The following FBN1 variants were observed in gnomAD, a reference collection of about 807,000 sequenced individuals.
FBN1 encodes fibrillin-1.
FBN1 carries 29 observed loss-of-function variants against 365.1 expected under a neutral mutation model. That is an observed-to-expected ratio of 0.08 (90% CI 0.06 to 0.11). The LOEUF (loss-of-function observed/expected upper bound fraction) is 0.11. Among genes scored for constraint, FBN1 ranks in the 10% least tolerant of loss-of-function variants. FBN1 has a pLI of 1.00. For synonymous variants in FBN1, 1,210 were observed against 1,270.5 expected (o/e 0.95, Z 1.01); for missense variants, 2,476 against 3,703.2 (o/e 0.67, Z 8.60).
intron 5 of FBN1, among the ~76,000 whole-genome samples, chr15:48,597,378 C>T (rs1189050718): frequency 6.6e-6 from 1 of 152,188 alleles, no homozygotes; most frequent in Non-Finnish European, 1.5e-5. Flanking sequence ...ATACTAAAGC[C>T]TGGCTATTTC....
intron 6 of FBN1, among the ~76,000 whole-genome samples, chr15:48,587,060 GAT>G (rs1389433173): frequency 2.0e-5 from 3 of 152,158 alleles, no homozygotes. Context: ...TTCCAAAAAT[GAT>G]ATTATATCCA....
At chr15:48,516,847 C>A (rs996289801) in intron 10 of FBN1, among the ~76,000 whole-genome samples, 1 of 152,132 alleles carries the variant, frequency 6.6e-6, no homozygotes, top group Non-Finnish European at 1.5e-5. Flanking sequence ...GGAGGCAAGG[C>A]TGTTGCAGAA....
Position 48,490,010 on chromosome 15 carries a change from G to A in FBN1, c.2923C>T (p.His975Tyr), listed in dbSNP as rs1597565510. 1.2e-6 allele frequency: 2 copies of A among 1,614,114 alleles called. No individual in the cohort carries two copies. The highest frequency in any genetic ancestry group is 2.2e-5 in the South Asian group (2 of 91,074). ...EECTLPIAGR[H>Y]RMDACCCSVG... ...GAGCAGCAGCAGGCGTCCATGCGGT[G>A]GCGGCCAGCAATAGGCAGGGTGCAC... Residue 975 changes from histidine (H) to tyrosine (Y), a missense_variant, in exon 25 of 66, where the codon CAC becomes TAC. By Grantham distance (83) the His-to-Tyr change is moderately conservative. Transcript: ENST00000316623.
At chr15:48,585,322 A>C (rs2044427421) in intron 6 of FBN1, among the ~76,000 whole-genome samples, 1 of 152,218 alleles carries the variant, frequency 6.6e-6, no homozygotes, top group Non-Finnish European at 1.5e-5. Context: ...ATCCCAATCT[A>C]TTGTTTACTT....
intron 49 of FBN1, 124 bp downstream of exon 49, chr15:48,444,417 A>G (rs1443106681): frequency 3.7e-6 from 4 of 1,083,770 alleles, no homozygotes; most frequent in Admixed American, 1.7e-5. Context: ...TGTCATACCT[A>G]TGCCCTTGCA....
chr15:48,477,343 A>T (rs1192273661), intron 32 of FBN1, among the ~76,000 whole-genome samples: 1 of 152,208 alleles, frequency 6.6e-6, no homozygotes, highest in Non-Finnish European at 1.5e-5. Context: ...GCTGTGTATC[A>T]TGGGCTTTTG....
intron 13 of FBN1, among the ~76,000 whole-genome samples, chr15:48,511,905 T>G (rs1271418247): frequency 6.6e-6 from 1 of 152,222 alleles, no homozygotes; most frequent in Non-Finnish European, 1.5e-5. Context: ...CAGTGCAGTC[T>G]CTGGACATTG....
At chr15:48,501,142 G>A (rs2043652599) in intron 17 of FBN1, among the ~76,000 whole-genome samples, 1 of 152,142 alleles carries the variant, frequency 6.6e-6, no homozygotes, top group African/African-American at 2.4e-5. Flanking sequence ...AAGCTTTACT[G>A]TTGCTTTGGT....
intron 11 of FBN1, 126 bp from the exon 12 acceptor site, chr15:48,515,653 G>A (rs983852559): frequency 1.3e-5 from 16 of 1,258,882 alleles, no homozygotes; most frequent in African/African-American, 5.9e-5. Context: ...GGCAAAGGTC[G>A]TCTGGTGACA....
At position 48,408,630 on chromosome 15, in the gene FBN1, G is replaced by C. The variant is rs144404153; in HGVS notation, c.*2360C>G. On this transcript the variant is annotated 3_prime_UTR_variant, in exon 66 of 66. Transcript: ENST00000316623. The stretch of plus-strand genomic sequence containing the variant: ...TGAAATTGAAAGGTCACAGACAATT[G>C]AAAGGTACAGGTTTAAATCTCAGGA... 59 of 152,726 alleles carry C rather than the reference G, an allele frequency of 3.9e-4. 2 individuals carry two copies. In the East Asian group the frequency reaches 8.5e-3, roughly 22 times the overall value. The allele number at this position is 152,726 out of a possible 1,614,324, so 9.5% of individuals were successfully genotyped here. A position where few individuals can be genotyped will look rare whatever the true frequency, so the allele number is the denominator to read the frequency against.
chr15:48,422,889 T>C (rs558378936), intron 60 of FBN1, among the ~76,000 whole-genome samples: 1 of 152,140 alleles, frequency 6.6e-6, no homozygotes, highest in South Asian at 2.1e-4. Flanking sequence ...ATCGCACCAC[T>C]GCACTCCAGC....
intron 11 of FBN1, among the ~76,000 whole-genome samples, chr15:48,515,967 T>C (rs1212634595): frequency 1.3e-5 from 2 of 152,174 alleles, no homozygotes; most frequent in East Asian, 3.8e-4. Context: ...CAAAAGGACA[T>C]TAATCTCTGG....
chr15:48,619,678 CACAAGCACAA>C (rs1889728431), intron 2 of FBN1, among the ~76,000 whole-genome samples: 1 of 152,170 alleles, frequency 6.6e-6, no homozygotes, highest in African/African-American at 2.4e-5. Context: ...TCACCTTGCC[CACAAGCACAA>C]AGCTGTTCAA....
At chr15:48,619,542 T>C (rs1374889682) in intron 2 of FBN1, among the ~76,000 whole-genome samples, 1 of 152,042 alleles carries the variant, frequency 6.6e-6, no homozygotes, top group Non-Finnish European at 1.5e-5. Flanking sequence ...GTTCCTGTTT[T>C]CAGGGCATTT....
chr15:48,487,034 GT>G, intron 29 of FBN1, 40 bp downstream of exon 29: 2 of 1,280,432 alleles, frequency 1.6e-6, no homozygotes, highest in Non-Finnish European at 1.0e-6. Context: ...ATAAAATAAA[GT>G]AAAATAAAAT....
intron 2 of FBN1, among the ~76,000 whole-genome samples, chr15:48,627,607 C>T (rs557386546): frequency 1.3e-5 from 2 of 152,134 alleles, no homozygotes; most frequent in African/African-American, 2.4e-5. Context: ...ATGAGCTGCT[C>T]GAAGGCCTGG....
Position 48,630,993 on chromosome 15 carries a change from T to TA in FBN1, c.164+13612dup, listed in dbSNP as rs765501031. Among the ~76,000 whole-genome samples, 12 of 152,300 alleles carry TA rather than the reference T, an allele frequency of 7.9e-5. 1 individual carries two copies. The South Asian group carries it at 2.3e-3, about 29-fold the overall frequency. Reference sequence around the variant, plus strand: ...TGAATATGAAGCAACCGCAACTTCTTAGAGTTTACTGCCAATCAGTTAACC... The same window carrying TA: ...TGAATATGAAGCAACCGCAACTTCTTAAGAGTTTACTGCCAATCAGTTAACC... On this transcript the variant is annotated intron_variant, in intron 2 of 65. Transcript: ENST00000316623.
At chr15:48,469,152 A>AAAATAAAATATATAT (rs1391231197) in intron 36 of FBN1, among the ~76,000 whole-genome samples, 1 of 131,156 alleles carries the variant, frequency 7.6e-6, no homozygotes, top group Admixed American at 7.3e-5. Context: ...ATATATATAT[A>AAAATAAAATATATAT]TAACTTTGGC....
intron 42 of FBN1, 115 bp downstream of exon 42, chr15:48,462,967 T>C (rs995693920): frequency 1.9e-6 from 2 of 1,058,548 alleles, no homozygotes; most frequent in Non-Finnish European, 1.5e-6. Context: ...GCCGTTTTTT[T>C]CCCTGTAAAG....
Sources: allele counts gnomAD v4.1 joint callset (sites outside exome capture counted in the v4.1 genomes callset), GRCh38; gene constraint gnomAD v4.1.1; transcripts MANE v1.5; gene names NCBI Gene and HGNC (gene_info 2026-07-23, HGNC 2026-07-21).